Variants in CAP2 observed in about 807,000 individuals in gnomAD.
CAP2 encodes the protein cyclase associated actin cytoskeleton regulatory protein 2.
In CAP2, 24 loss-of-function variants were observed where a neutral mutation model predicts 57.7. The ratio of observed to expected loss-of-function variants is 0.42; its 90% CI spans 0.30 to 0.58. The LOEUF (loss-of-function observed/expected upper bound fraction) is 0.58. Ranked by LOEUF, CAP2 falls within the 20% of genes least tolerant of loss-of-function variation. The pLI is 0.22. For missense variants in CAP2, 501 were observed against 590.3 expected (o/e 0.85, Z 1.57); for synonymous variants, 194 against 207.2 (o/e 0.94, Z 0.55).
intron 7 of CAP2, among the ~76,000 whole-genome samples, chr6:17,518,513 GC>G (rs1561813295): frequency 6.6e-6 from 1 of 152,124 alleles, no homozygotes; most frequent in Admixed American, 6.6e-5. Context: ...TCATTTGTTT[GC>G]CCACTGATCA....
intron 11 of CAP2, among the ~76,000 whole-genome samples, chr6:17,546,190 C>T (rs111408538): frequency 0.013 from 1,963 of 152,294 alleles, 23 homozygotes; most frequent in Middle Eastern, 0.02. Context: ...TTCTCCACAT[C>T]CTCTCCAGCA....
At chr6:17,519,805 C>T (rs1453153673) in intron 7 of CAP2, among the ~76,000 whole-genome samples, 1 of 152,150 alleles carries the variant, frequency 6.6e-6, no homozygotes, top group Non-Finnish European at 1.5e-5. Context: ...TTCTGTGAAT[C>T]TATAAATGCA....
intron 3 of CAP2, among the ~76,000 whole-genome samples, chr6:17,435,590 A>G (rs867567616): frequency 7.7e-6 from 1 of 130,500 alleles, no homozygotes; most frequent in Non-Finnish European, 1.6e-5. Flanking sequence ...TAGATGTCAC[A>G]TTAGTGGGTG....
At position 17,472,635 on chromosome 6, in the gene CAP2, G is replaced by A. The variant is rs371846570; in HGVS notation, c.300+9562G>A. Reference sequence around the variant, plus strand: ...TTCCAATGGCAAGAGAATTACCTTGGTAATTACATGGTGGCTAGCATGTGA... The same window carrying A: ...TTCCAATGGCAAGAGAATTACCTTGATAATTACATGGTGGCTAGCATGTGA... On this transcript the variant is annotated intron_variant, in intron 4 of 12. Transcript: ENST00000229922. 1.2e-4 allele frequency among the ~76,000 whole-genome samples: 19 copies of A among 152,300 alleles called. No homozygotes were observed. The East Asian group carries it at 3.3e-3, about 26-fold the overall frequency.
intron 1 of CAP2, among the ~76,000 whole-genome samples, chr6:17,418,814 TA>T (rs1466520419): frequency 6.6e-6 from 1 of 152,232 alleles, no homozygotes; most frequent in Non-Finnish European, 1.5e-5. Flanking sequence ...TTCACCCACC[TA>T]CAGGATACCC....
At chr6:17,529,052 C>CA (rs60328547) in intron 7 of CAP2, among the ~76,000 whole-genome samples, 15 of 148,626 alleles carry the variant, frequency 1.0e-4, no homozygotes, top group Non-Finnish European at 9.0e-5. Context: ...CCCATCTCTA[C>CA]AAAAAAAAAA....
intron 3 of CAP2, among the ~76,000 whole-genome samples, chr6:17,434,333 A>G (rs1026567378): frequency 3.3e-5 from 5 of 151,326 alleles, no homozygotes; most frequent in African/African-American, 1.2e-4. Flanking sequence ...GGTTCAAGCA[A>G]TTGGCCTGCC....
chr6:17,512,014 A>G (rs1413565526), intron 6 of CAP2, among the ~76,000 whole-genome samples: 1 of 152,034 alleles, frequency 6.6e-6, no homozygotes, highest in Non-Finnish European at 1.5e-5. Context: ...TCTTCAAGTC[A>G]AAATAATACT....
chr6:17,532,062 T>C (rs1023215623), intron 7 of CAP2, among the ~76,000 whole-genome samples: 1 of 152,046 alleles, frequency 6.6e-6, no homozygotes, highest in Admixed American at 6.6e-5. Flanking sequence ...AATTCACTTT[T>C]AATCCAACTA....
At chr6:17,529,651 A>AAAAAAAAATAC (rs10656588) in intron 7 of CAP2, among the ~76,000 whole-genome samples, 1 of 134,538 alleles carries the variant, frequency 7.4e-6, no homozygotes, top group African/African-American at 2.9e-5. Context: ...AAAAAAAAAA[A>AAAAAAAAATAC]ATATATATAT....
chr6:17,418,601 C>T (rs1212209004), intron 1 of CAP2, among the ~76,000 whole-genome samples: 1 of 152,208 alleles, frequency 6.6e-6, no homozygotes, highest in African/African-American at 2.4e-5. Flanking sequence ...AAGACAGCTT[C>T]ATCTGTGAGC....
rs559444922 is a variant in CAP2 at position 17,438,686 on chromosome 6, A to G, written c.222+11996A>G. Among the ~76,000 whole-genome samples, 1,165 of 147,618 alleles carry G rather than the reference A, an allele frequency of 7.9e-3. 17 individuals carry two copies. Among genetic ancestry groups the G allele is most frequent in the Non-Finnish European group, 0.013 (887 of 67,292 alleles). ...AATCTCCTGACCTTGTGATCCGCCC[A>G]CCTCGGCCTCCCAAAGTGCTGGGAT... On this transcript the variant is annotated intron_variant, in intron 3 of 12. Transcript: ENST00000229922.
Position 17,543,723 on chromosome 6 carries a change from T to G in CAP2, c.1209+580T>G, listed in dbSNP as rs535656955. 3.1e-4 allele frequency among the ~76,000 whole-genome samples: 47 copies of G among 151,416 alleles called. 1 individual carries two copies. The South Asian group carries it at 9.6e-3, about 31-fold the overall frequency. ...CTCTGGACACAGCTCTATCATCACCTCCTTGGTAGACCCCTCTCTTACTTC... is the reference window on the plus strand; with the variant it reads ...CTCTGGACACAGCTCTATCATCACCGCCTTGGTAGACCCCTCTCTTACTTC... On this transcript the variant is annotated intron_variant, in intron 11 of 12. Transcript: ENST00000229922.
At chr6:17,490,178 G>T (rs549701203) in intron 4 of CAP2, among the ~76,000 whole-genome samples, 2 of 152,298 alleles carry the variant, frequency 1.3e-5, no homozygotes, top group Middle Eastern at 3.4e-3. Context: ...ATTGAGGGAA[G>T]ATGACACTTT....
intron 12 of CAP2, among the ~76,000 whole-genome samples, chr6:17,554,551 C>A (rs1473760873): frequency 6.6e-6 from 1 of 152,262 alleles, no homozygotes; most frequent in Admixed American, 6.5e-5. Context: ...AGCCACCGTG[C>A]CTGGCCCAGG....
At chr6:17,479,736 C>T (rs1253006584) in intron 4 of CAP2, among the ~76,000 whole-genome samples, 2 of 151,060 alleles carry the variant, frequency 1.3e-5, no homozygotes, top group African/African-American at 4.9e-5. Context: ...CTCAGCCTCC[C>T]GAGTAGCTGG....
rs1483184755 is a variant in CAP2 at position 17,513,298 on chromosome 6, G to T, written c.531-551G>T. Among the ~76,000 whole-genome samples, 2 of 152,126 alleles carry T rather than the reference G, an allele frequency of 1.3e-5. No individual in the cohort carries two copies. The highest frequency in any genetic ancestry group is 2.9e-5 in the Non-Finnish European group (2 of 68,032). On this transcript the variant is annotated intron_variant, in intron 6 of 12. Transcript: ENST00000229922. The surrounding 1 kb of genome is among the most constrained non-coding windows in gnomAD (Gnocchi z 4.3). ...CCTTTAGAAGTAAGGGGTGTTACCT[G>T]TTTGTAAGAGATCAATTTTCTTCCT...
chr6:17,437,885 A>G (rs545486417), intron 3 of CAP2, among the ~76,000 whole-genome samples: 148 of 152,302 alleles, frequency 9.7e-4, no homozygotes, highest in African/African-American at 3.3e-3. Context: ...CGTCTCAAAG[A>G]AAAAAGGGTC....
At chr6:17,497,583 A>G (rs769619819) in intron 4 of CAP2, among the ~76,000 whole-genome samples, 1 of 152,142 alleles carries the variant, frequency 6.6e-6, no homozygotes, top group Non-Finnish European at 1.5e-5. Flanking sequence ...CCTAGTATTG[A>G]TCCACTACTT....
Sources: gnomAD v4.1 joint callset for allele counts (sites outside exome capture counted in the v4.1 genomes callset) on GRCh38, gnomAD v4.1.1 for gene constraint, Gnocchi (gnomAD v3.1) non-coding constraint, MANE v1.5 for transcripts, NCBI Gene and HGNC (gene_info 2026-07-23, HGNC 2026-07-21) for gene names.